Variants in LIFR observed in about 807,000 individuals in gnomAD.
LIFR encodes the protein leukemia inhibitory factor receptor.
Under a neutral mutation model 122.2 loss-of-function variants are expected in LIFR, and 84 were observed. The ratio of observed to expected loss-of-function variants is 0.69; its 90% CI spans 0.58 to 0.82. The LOEUF (loss-of-function observed/expected upper bound fraction) is 0.82. LIFR is among the 40% of genes least tolerant of loss of function. The probability of loss-of-function intolerance (pLI) is 0.00; values close to 1 mark genes in which losing one functional copy is unlikely to be tolerated. For missense variants in LIFR, 1,294 were observed against 1,311.6 expected (o/e 0.99, Z 0.21); for synonymous variants, 422 against 434.7 (o/e 0.97, Z 0.36).
intron 1 of LIFR, among the ~76,000 whole-genome samples, chr5:38,571,828 C>T (rs1286499013): frequency 6.6e-6 from 1 of 152,136 alleles, no homozygotes; most frequent in African/African-American, 2.4e-5. Flanking sequence ...TAATATGCAT[C>T]ATGAACCTCT....
intron 10 of LIFR, among the ~76,000 whole-genome samples, chr5:38,503,492 A>G (rs756226232): frequency 2.0e-5 from 3 of 152,178 alleles, no homozygotes; most frequent in African/African-American, 4.8e-5. Flanking sequence ...TGAATAGTTA[A>G]GTACACCTCA....
chr5:38,506,400 T>A, intron 8 of LIFR, 103 bp downstream of exon 8: 2 of 1,395,312 alleles, frequency 1.4e-6, no homozygotes, highest in South Asian at 2.3e-5. Context: ...TGGTTTTATA[T>A]CTTGTTTGTA....
intron 16 of LIFR, 100 bp from the exon 17 acceptor site, chr5:38,486,080 G>T: frequency 9.3e-7 from 1 of 1,078,900 alleles, no homozygotes; most frequent in Non-Finnish European, 1.4e-6. Flanking sequence ...AGTGGGTCTA[G>T]CTGAGGCCAT....
At chr5:38,576,812 G>A (rs1204798233) in intron 1 of LIFR, among the ~76,000 whole-genome samples, 1 of 152,216 alleles carries the variant, frequency 6.6e-6, no homozygotes, top group Non-Finnish European at 1.5e-5. Context: ...CTTCATGCCT[G>A]TTATAGGGAG....
intron 5 of LIFR, among the ~76,000 whole-genome samples, chr5:38,514,532 C>T (rs1046680908): frequency 6.6e-6 from 1 of 152,298 alleles, no homozygotes. Flanking sequence ...TCCAGTTCCT[C>T]TACAACTTCT....
chr5:38,549,285 A>T (rs889535934), intron 1 of LIFR, among the ~76,000 whole-genome samples: 89 of 139,196 alleles, frequency 6.4e-4, no homozygotes, highest in African/African-American at 2.3e-3. Flanking sequence ...ACACACACAC[A>T]CACTCCATAA....
chr5:38,527,290 G>T lies in LIFR; in HGVS notation c.262C>A (p.Arg88Ser). Residue 88 changes from arginine to serine, a missense_variant, in exon 4 of 20, where the codon CGT (arginine) becomes AGT (serine). Arg to Ser is a moderately radical substitution (Grantham distance 110). Coordinates refer to ENST00000453190, the MANE Select transcript of LIFR (RefSeq NM_001127671.2). ...DYEVCIENRS[R>S]SCYQLEKTSI... is the part of the protein sequence containing the mutation. ...GTTTTCTCCAACTGATAACAAGAAC[G>T]GGACCTGTAATAAGAAATTGAATTT... 1.3e-6 allele frequency: 2 copies of T among 1,571,540 alleles called. No homozygotes were observed. Among genetic ancestry groups the T allele is most frequent in the Non-Finnish European group, 1.7e-6 (2 of 1,142,974 alleles).
intron 1 of LIFR, among the ~76,000 whole-genome samples, chr5:38,569,583 C>G (rs992421033): frequency 1.3e-5 from 2 of 152,172 alleles, no homozygotes; most frequent in Admixed American, 1.3e-4. Context: ...GGAACAGTTT[C>G]ATCCTGAAAC....
At chr5:38,555,093 G>C (rs542264905) in intron 1 of LIFR, 1 of 152,282 alleles carries the variant, frequency 6.6e-6, no homozygotes, top group Non-Finnish European at 1.5e-5. Flanking sequence ...TATTTAAATT[G>C]AGCTTGCAAC....
At chr5:38,489,032 G>A (rs1371387608) in intron 16 of LIFR, 46 bp downstream of exon 16, 4 of 1,536,152 alleles carry the variant, frequency 2.6e-6, no homozygotes, top group Non-Finnish European at 2.7e-6. Context: ...TGTGGTTAAT[G>A]AGAAACTTCT....
chr5:38,510,620 A>AT lies in LIFR; in HGVS notation c.834dup (p.Ser279IlefsTer15), dbSNP rs1745747589. On this transcript the variant is annotated frameshift_variant, in exon 7 of 20. Coordinates refer to ENST00000453190, the MANE Select transcript of LIFR (RefSeq NM_001127671.2). LOFTEE classifies it high-confidence loss of function. ...CAGTTTGTATGGCCAATCAGTGCTGATAACACTTTTTCTTGACTCACACAA... is the reference window on the plus strand; with the variant it reads ...CAGTTTGTATGGCCAATCAGTGCTGATTAACACTTTTTCTTGACTCACACAA... The AT allele has an allele frequency of 6.2e-7, 1 of 1,614,068 alleles. No individual in the cohort carries two copies. The highest frequency in any genetic ancestry group is 8.5e-7 in the Non-Finnish European group (1 of 1,179,968).
At chr5:38,527,971 A>T (rs1161737022) in intron 3 of LIFR, among the ~76,000 whole-genome samples, 1 of 152,158 alleles carries the variant, frequency 6.6e-6, no homozygotes, top group East Asian at 1.9e-4. Context: ...ACCCAGCCCC[A>T]GCCTTAGGGC....
In LIFR at chr5:38,533,006, G is replaced by C. The variant is rs118185958; in HGVS notation, c.-19-2340C>G. Among the ~76,000 whole-genome samples, 92 of 152,330 alleles carry C rather than the reference G, an allele frequency of 6.0e-4. 2 individuals carry two copies. In the South Asian group the frequency reaches 0.01, roughly 17 times the overall value. On this transcript the variant is annotated intron_variant, in intron 1 of 19. Coordinates refer to ENST00000453190, the MANE Select transcript of LIFR (RefSeq NM_001127671.2). ...AAAGCAAGTAACAAACGTGTTCACA[G>C]CAGGTGCAAACTGCAGCCCCTCTGC...
intron 5 of LIFR, among the ~76,000 whole-genome samples, chr5:38,512,382 G>C (rs1310481995): frequency 6.6e-6 from 1 of 152,066 alleles, no homozygotes; most frequent in Non-Finnish European, 1.5e-5. Flanking sequence ...ACTTTGGGAG[G>C]CTGAGACAGG....
At chr5:38,505,256 T>C (rs1244366781) in intron 9 of LIFR, among the ~76,000 whole-genome samples, 5 of 152,090 alleles carry the variant, frequency 3.3e-5, no homozygotes, top group African/African-American at 4.8e-5. Context: ...ATAGATTCGT[T>C]GTTGTCAAGG....
At chr5:38,530,214 C>T (rs1746928623) in intron 2 of LIFR, among the ~76,000 whole-genome samples, 1 of 152,104 alleles carries the variant, frequency 6.6e-6, no homozygotes, top group Non-Finnish European at 1.5e-5. Flanking sequence ...CTTGATTGTG[C>T]TGGTGGTTAC....
At chr5:38,525,459 C>T (rs901969913) in intron 4 of LIFR, among the ~76,000 whole-genome samples, 2 of 152,120 alleles carry the variant, frequency 1.3e-5, no homozygotes, top group African/African-American at 4.8e-5. Flanking sequence ...AAGGGCAGAA[C>T]AAACCAATAC....
At chr5:38,535,014 A>G (rs1455427770) in intron 1 of LIFR, among the ~76,000 whole-genome samples, 1 of 152,254 alleles carries the variant, frequency 6.6e-6, no homozygotes, top group Non-Finnish European at 1.5e-5. Flanking sequence ...AAATGTCAAA[A>G]GATGTATCAC....
chr5:38,602,584 T>C (rs1468924657), intron 2 of LIFR, among the ~76,000 whole-genome samples: 1 of 152,188 alleles, frequency 6.6e-6, no homozygotes, highest in Non-Finnish European at 1.5e-5. Flanking sequence ...TAATTCCTTG[T>C]TTAGGTTTTT....
Sources: gnomAD v4.1 joint callset for allele counts (sites outside exome capture counted in the v4.1 genomes callset) on GRCh38, gnomAD v4.1.1 for gene constraint, MANE v1.5 for transcripts, NCBI Gene and HGNC (gene_info 2026-07-23, HGNC 2026-07-21) for gene names.